GABRA2: variants seen among roughly 807,000 people sequenced by gnomAD.
The protein encoded by GABRA2 is gamma-aminobutyric acid type A receptor subunit alpha2, also known as gamma-aminobutyric acid receptor subunit alpha-2.
GABRA2 carries 16 observed loss-of-function variants against 48.7 expected under a neutral mutation model. The observed-to-expected ratio is 0.33, with a 90% CI of 0.22 to 0.50. The LOEUF is 0.50. GABRA2 is among the 20% of genes least tolerant of loss of function. The probability of loss-of-function intolerance (pLI) is 0.98; values close to 1 mark genes in which losing one functional copy is unlikely to be tolerated. For missense variants in GABRA2, 275 were observed against 535.6 expected, an observed-to-expected ratio of 0.51 and a Z score of 4.80; for synonymous variants, 185 against 184.5, an observed-to-expected ratio of 1.00 and a Z score of -0.02.
chr4:46,305,787 A>G, intron 6 of GABRA2, 76 bp from the exon 7 acceptor site: 4 of 1,028,964 alleles, frequency 3.9e-6, no homozygotes, highest in Non-Finnish European at 5.8e-6. Context: ...ACGGTTGTGT[A>G]TTTCATACAA....
At chr4:46,291,894 A>T (rs1025617286) in intron 8 of GABRA2, among the ~76,000 whole-genome samples, 2 of 151,838 alleles carry the variant, frequency 1.3e-5, no homozygotes, top group Admixed American at 1.3e-4. Flanking sequence ...GTTTACAGAG[A>T]AATAGAATAT....
chr4:46,357,321 T>C (rs1736150723), intron 3 of GABRA2, among the ~76,000 whole-genome samples: 1 of 150,526 alleles, frequency 6.6e-6, no homozygotes, highest in Non-Finnish European at 1.5e-5. Flanking sequence ...GGCTTGGGGT[T>C]CAGGAGGAGA....
At chr4:46,304,386 A>G (rs1726270467) in intron 7 of GABRA2, among the ~76,000 whole-genome samples, 1 of 152,126 alleles carries the variant, frequency 6.6e-6, no homozygotes, top group Non-Finnish European at 1.5e-5. Context: ...TAATCCTCAT[A>G]TCTACCTTCC....
At chr4:46,374,318 C>G (rs1003237921) in intron 3 of GABRA2, among the ~76,000 whole-genome samples, 1 of 152,160 alleles carries the variant, frequency 6.6e-6, no homozygotes, top group African/African-American at 2.4e-5. Context: ...CTAAACCCCT[C>G]CAGTTCAAGT....
intron 3 of GABRA2, among the ~76,000 whole-genome samples, chr4:46,369,387 G>T (rs1433715621): frequency 6.6e-6 from 1 of 152,056 alleles, no homozygotes; most frequent in Non-Finnish European, 1.5e-5. Flanking sequence ...ACAAGAATAG[G>T]CCAATACATT....
At chr4:46,324,822 G>A (rs139090566) in intron 4 of GABRA2, among the ~76,000 whole-genome samples, 3 of 151,384 alleles carry the variant, frequency 2.0e-5, no homozygotes, top group African/African-American at 4.9e-5. Flanking sequence ...TGTCATATTT[G>A]GTTTTCTGTT....
At chr4:46,338,154 G>C (rs1732583819) in intron 3 of GABRA2, among the ~76,000 whole-genome samples, 1 of 151,816 alleles carries the variant, frequency 6.6e-6, no homozygotes, top group Admixed American at 6.6e-5. Flanking sequence ...ATGTAGAGTT[G>C]AAAAGAGAAT....
intron 8 of GABRA2, among the ~76,000 whole-genome samples, chr4:46,265,715 C>G (rs1287449706): frequency 6.6e-6 from 1 of 150,986 alleles, no homozygotes; most frequent in East Asian, 1.9e-4. Context: ...ATTTTTCTTC[C>G]TCTTGCTTTG....
intron 3 of GABRA2, among the ~76,000 whole-genome samples, chr4:46,380,734 C>A (rs1237235684): frequency 2.0e-5 from 3 of 152,098 alleles, no homozygotes; most frequent in Non-Finnish European, 4.4e-5. Context: ...CAATACAATG[C>A]TCTTTTGAGG....
chr4:46,252,086 C>T (rs778537334), intron 9 of GABRA2, among the ~76,000 whole-genome samples: 1 of 151,310 alleles, frequency 6.6e-6, no homozygotes. Flanking sequence ...TAATTAAGAG[C>T]TCTCAAAGTG....
chr4:46,362,630 A>T (rs1713395105), intron 3 of GABRA2, among the ~76,000 whole-genome samples: 1 of 152,228 alleles, frequency 6.6e-6, no homozygotes, highest in Admixed American at 6.5e-5. Context: ...TAACTTCAAA[A>T]ATATTTAAAT....
chr4:46,313,809 C>A (rs1411198892), intron 4 of GABRA2, among the ~76,000 whole-genome samples: 1 of 152,030 alleles, frequency 6.6e-6, no homozygotes, highest in African/African-American at 2.4e-5. Flanking sequence ...AAACCATAGT[C>A]ATTACATGTT....
intron 3 of GABRA2, among the ~76,000 whole-genome samples, chr4:46,337,650 C>CAAAAAA (rs71652880): frequency 1.0e-4 from 11 of 107,684 alleles, no homozygotes; most frequent in East Asian, 2.6e-4. Flanking sequence ...TTGTTAAGAC[C>CAAAAAA]AAAAAAAAAA....
chr4:46,315,276 A>T (rs1728359362), intron 4 of GABRA2, among the ~76,000 whole-genome samples: 1 of 150,588 alleles, frequency 6.6e-6, no homozygotes, highest in African/African-American at 2.4e-5. Context: ...GGCTGCTTGT[A>T]TGTCTTCTTT....
chr4:46,300,498 G>A (rs1725547207), intron 8 of GABRA2, among the ~76,000 whole-genome samples: 1 of 151,710 alleles, frequency 6.6e-6, no homozygotes, highest in Non-Finnish European at 1.5e-5. Flanking sequence ...ACAAGTTCTA[G>A]ACTTATAAGT....
At chr4:46,338,630 G>T (rs1328920218) in intron 3 of GABRA2, among the ~76,000 whole-genome samples, 1 of 151,800 alleles carries the variant, frequency 6.6e-6, no homozygotes, top group Non-Finnish European at 1.5e-5. Flanking sequence ...CTGATTTTCT[G>T]TCGTCCATAT....
chr4:46,279,143 T>C (rs2109451836), intron 8 of GABRA2, among the ~76,000 whole-genome samples: 1 of 152,206 alleles, frequency 6.6e-6, no homozygotes, highest in Admixed American at 6.5e-5. Context: ...TCAATTGCAA[T>C]GAGTAAATTT....
chr4:46,378,490 T>C (rs1419063597), intron 3 of GABRA2, among the ~76,000 whole-genome samples: 1 of 151,816 alleles, frequency 6.6e-6, no homozygotes, highest in Non-Finnish European at 1.5e-5. Flanking sequence ...CACCACTCCC[T>C]AATCTCAAGT....
At chr4:46,266,269 A>G (rs1718198110) in intron 8 of GABRA2, among the ~76,000 whole-genome samples, 2 of 148,368 alleles carry the variant, frequency 1.3e-5, no homozygotes, top group South Asian at 4.2e-4. Flanking sequence ...TTAATATTTT[A>G]TATTAATAAG....
Sources: allele counts gnomAD v4.1 joint callset (sites outside exome capture counted in the v4.1 genomes callset), GRCh38; gene constraint gnomAD v4.1.1; transcripts MANE v1.5; gene names NCBI Gene and HGNC (gene_info 2026-07-23, HGNC 2026-07-21).